The following FOXN3 variants were observed in gnomAD, a reference collection of about 807,000 sequenced individuals.
FOXN3 encodes forkhead box N3.
A neutral mutation model predicts 38.4 loss-of-function variants in FOXN3; 7 were observed. That is an observed-to-expected ratio of 0.18 (90% CI 0.10 to 0.34). The LOEUF (loss-of-function observed/expected upper bound fraction) is 0.34, where lower values mean the gene tolerates loss of function less well. FOXN3 is among the 10% of genes least tolerant of loss of function. The probability of loss-of-function intolerance (pLI) is 1.00; values close to 1 mark genes in which losing one functional copy is unlikely to be tolerated. For missense variants in FOXN3, 456 were observed against 613.4 expected, an observed-to-expected ratio of 0.74 and a Z score of 2.71; for synonymous variants, 230 against 242.2, an observed-to-expected ratio of 0.95 and a Z score of 0.47.
At chr14:89,266,606 T>C (rs887044254) in intron 4 of FOXN3, among the ~76,000 whole-genome samples, 14 of 152,088 alleles carry the variant, frequency 9.2e-5, no homozygotes, top group Admixed American at 2.0e-4. Flanking sequence ...GAGATAGAGA[T>C]AAGAAAACTC....
intron 1 of FOXN3, among the ~76,000 whole-genome samples, chr14:89,473,396 T>C (rs80178998): frequency 2.0e-5 from 3 of 148,608 alleles, no homozygotes; most frequent in Non-Finnish European, 4.5e-5. Context: ...TTTTTTTTTT[T>C]CCTTTTGCTC....
rs1894940746 is a variant in FOXN3 at position 89,548,912 on chromosome 14, A to G, written c.-15+70116T>C. 6.6e-6 allele frequency among the ~76,000 whole-genome samples: 1 copy of G among 152,166 alleles called. No individual in the cohort carries two copies. The highest frequency in any genetic ancestry group is 1.5e-5 in the Non-Finnish European group (1 of 68,022). On this transcript the variant is annotated intron_variant, in intron 1 of 6. Coordinates refer to the FOXN3 transcript ENST00000345097. This position sits in a 1 kb window ranked among gnomAD's most constrained non-coding sequence, Gnocchi z 4.8. ...GGCAGGTGGATCACCTAAGGTCAGG[A>G]GTTCGAGACCAGCCTGATCAATATG...
rs115078979 is a variant in FOXN3, at chr14:89,525,372, C to T, written c.-15+93656G>A. Among the ~76,000 whole-genome samples the T allele has an allele frequency of 1.6e-3, 247 of 152,304 alleles. 1 individual carries two copies. The highest frequency in any genetic ancestry group is 5.7e-3 in the African/African-American group (237 of 41,556). On this transcript the variant is annotated intron_variant, in intron 1 of 6. Transcript: ENST00000345097. Reference sequence around the variant, plus strand: ...AATGCAATTAGCATGCTAAGAGACACTCCCACCAGCACTATGACTATTTAC... The same window carrying T: ...AATGCAATTAGCATGCTAAGAGACATTCCCACCAGCACTATGACTATTTAC...
At chr14:89,405,979 G>A (rs748146370) in intron 2 of FOXN3, among the ~76,000 whole-genome samples, 3 of 152,016 alleles carry the variant, frequency 2.0e-5, no homozygotes, top group African/African-American at 4.8e-5. Context: ...CAGACTGGGC[G>A]ACACAGCAAG....
chr14:89,593,129 G>GGGA (rs1369426472), intron 1 of FOXN3, among the ~76,000 whole-genome samples: 3 of 136,396 alleles, frequency 2.2e-5, no homozygotes, highest in Non-Finnish European at 4.7e-5. Flanking sequence ...AAAGGAAGGA[G>GGGA]GGAAGGAGGG....
intron 4 of FOXN3, among the ~76,000 whole-genome samples, chr14:89,224,171 G>A (rs1001613561): frequency 6.6e-6 from 1 of 151,770 alleles, no homozygotes; most frequent in African/African-American, 2.4e-5. Flanking sequence ...AGACTTATAA[G>A]AATTGCTTAA....
intron 3 of FOXN3, among the ~76,000 whole-genome samples, chr14:89,338,478 AC>A (rs60531738): frequency 0.03 from 4,492 of 152,196 alleles, 227 homozygotes; most frequent in African/African-American, 0.1. Context: ...ACAATACAAA[AC>A]CATATATATA....
intron 2 of FOXN3, among the ~76,000 whole-genome samples, chr14:89,351,513 G>A (rs1206775675): frequency 1.3e-5 from 2 of 152,140 alleles, no homozygotes; most frequent in Non-Finnish European, 2.9e-5. Flanking sequence ...TTCTAAAACC[G>A]TTCTGTGGAG....
chr14:89,300,652 A>G (rs1325007208), intron 3 of FOXN3, among the ~76,000 whole-genome samples: 1 of 152,192 alleles, frequency 6.6e-6, no homozygotes, highest in East Asian at 1.9e-4. Flanking sequence ...ATAGTCCACC[A>G]CGAAGATGAG....
At chr14:89,371,416 C>G (rs1479699296) in intron 2 of FOXN3, among the ~76,000 whole-genome samples, 1 of 152,024 alleles carries the variant, frequency 6.6e-6, no homozygotes, top group Non-Finnish European at 1.5e-5. Flanking sequence ...ATTAAACCAA[C>G]CAACAATCCA....
intron 3 of FOXN3, among the ~76,000 whole-genome samples, chr14:89,285,944 G>A (rs1029316506): frequency 6.7e-6 from 1 of 149,450 alleles, no homozygotes; most frequent in East Asian, 2.0e-4. Context: ...TCAGCTCACC[G>A]CAGCCTCCAG....
chr14:89,318,030 A>G (rs1887775640), intron 3 of FOXN3, among the ~76,000 whole-genome samples: 1 of 151,642 alleles, frequency 6.6e-6, no homozygotes, highest in South Asian at 2.1e-4. Flanking sequence ...CCCTGGTGCC[A>G]AAAAGGTTGG....
At chr14:89,278,215 T>C (rs560907960) in intron 4 of FOXN3, among the ~76,000 whole-genome samples, 1 of 152,244 alleles carries the variant, frequency 6.6e-6, no homozygotes, top group South Asian at 2.1e-4. Context: ...ACGTCTTACA[T>C]GGCGACAGAC....
intron 3 of FOXN3, among the ~76,000 whole-genome samples, chr14:89,284,808 A>G (rs1886569392): frequency 6.6e-6 from 1 of 152,170 alleles, no homozygotes; most frequent in Admixed American, 6.5e-5. Flanking sequence ...GGCATTTGAG[A>G]ACATTGATCC....
At chr14:89,458,863 C>A (rs953704553) in intron 1 of FOXN3, among the ~76,000 whole-genome samples, 3 of 152,180 alleles carry the variant, frequency 2.0e-5, no homozygotes, top group African/African-American at 7.2e-5. Flanking sequence ...AATAAAGATT[C>A]ACCACGCTCA....
rs1409999664 is a variant in FOXN3, at chr14:89,158,153, G to C, written c.*4261C>G. ...AGCCCTTCCAGGAGAGGCCCAAGGC[G>C]CCCCCCACAGAGTGGAATGAGTGGA... On this transcript the variant is annotated 3_prime_UTR_variant, in exon 6 of 6. Coordinates refer to ENST00000557258, the MANE Select transcript of FOXN3 (RefSeq NM_005197.4). 1 of 152,212 alleles carries C rather than the reference G, an allele frequency of 6.6e-6. No homozygotes were observed. The highest frequency in any genetic ancestry group is 2.4e-5 in the African/African-American group (1 of 41,436). 9.4% of individuals were successfully genotyped at this position (152,212 alleles called of 1,614,324 possible).
chr14:89,278,082 A>G (rs1886350832), intron 4 of FOXN3, among the ~76,000 whole-genome samples: 1 of 152,082 alleles, frequency 6.6e-6, no homozygotes. Flanking sequence ...GTATTAGTCC[A>G]TTTTCACGCT....
At chr14:89,475,349 A>C (rs575101386) in intron 1 of FOXN3, among the ~76,000 whole-genome samples, 2 of 152,332 alleles carry the variant, frequency 1.3e-5, no homozygotes, top group East Asian at 3.9e-4. Flanking sequence ...AGTAAGAAGT[A>C]GTAGTTAGAA....
At chr14:89,302,167 C>T (rs1002975840) in intron 3 of FOXN3, among the ~76,000 whole-genome samples, 1 of 152,186 alleles carries the variant, frequency 6.6e-6, no homozygotes, top group African/African-American at 2.4e-5. Flanking sequence ...AATACCCATT[C>T]GATGCTTCGA....
Sources: gnomAD v4.1 joint callset for allele counts (sites outside exome capture counted in the v4.1 genomes callset) on GRCh38, gnomAD v4.1.1 for gene constraint, Gnocchi (gnomAD v3.1) non-coding constraint, MANE v1.5 for transcripts, NCBI Gene and HGNC (gene_info 2026-07-23, HGNC 2026-07-21) for gene names.